The following NELL1 variants were observed in gnomAD, a reference collection of about 807,000 sequenced individuals.
The protein encoded by NELL1 is neural EGFL like 1.
NELL1 carries 76 observed loss-of-function variants against 107.4 expected under a neutral mutation model. The ratio of observed to expected loss-of-function variants is 0.71; its 90% CI spans 0.59 to 0.86. The LOEUF (loss-of-function observed/expected upper bound fraction) is 0.86. Ranked by LOEUF, NELL1 falls within the 40% of genes least tolerant of loss-of-function variation. The pLI, the probability that NELL1 is intolerant of heterozygous loss-of-function variation, is 0.00. For synonymous variants in NELL1, 353 were observed against 341.2 expected (o/e 1.03, Z -0.38); for missense variants, 1,024 against 1,005.5 (o/e 1.02, Z -0.25).
intron 15 of NELL1, among the ~76,000 whole-genome samples, chr11:21,471,505 A>T (rs1214242808): frequency 6.6e-6 from 1 of 152,094 alleles, no homozygotes; most frequent in East Asian, 1.9e-4. Flanking sequence ...GAGACTTTAA[A>T]TAACTGAAAA....
chr11:20,790,859 A>G (rs1857060488), intron 3 of NELL1, among the ~76,000 whole-genome samples: 1 of 152,294 alleles, frequency 6.6e-6, no homozygotes, highest in Middle Eastern at 3.4e-3. Context: ...AGGCCTGGCC[A>G]CGCCTCCCTG....
chr11:21,126,672 AC>A (rs1229630348), intron 13 of NELL1, among the ~76,000 whole-genome samples: 1 of 152,104 alleles, frequency 6.6e-6, no homozygotes, highest in East Asian at 1.9e-4. Flanking sequence ...TTTCTCCCTC[AC>A]CTTACTAAGT....
At chr11:20,886,470 A>G (rs1426820518) in intron 5 of NELL1, among the ~76,000 whole-genome samples, 1 of 152,102 alleles carries the variant, frequency 6.6e-6, no homozygotes, top group Admixed American at 6.6e-5. Flanking sequence ...CCACAAAAAT[A>G]TTTTAAAATT....
chr11:21,227,406 G>T (rs1484706723), intron 13 of NELL1, among the ~76,000 whole-genome samples: 4 of 152,090 alleles, frequency 2.6e-5, no homozygotes, highest in African/African-American at 9.7e-5. Context: ...TATCTTCTGT[G>T]TTCCGGTTAG....
At chr11:20,975,958 A>ATGTACATATATGTACAT (rs1554953036) in intron 12 of NELL1, among the ~76,000 whole-genome samples, 35 of 102,658 alleles carry the variant, frequency 3.4e-4, no homozygotes, top group Non-Finnish European at 6.1e-4. Flanking sequence ...TATGTACATT[A>ATGTACATATATGTACAT]TATATACATT....
chr11:20,915,984 T>C (rs1399998715), intron 5 of NELL1, among the ~76,000 whole-genome samples: 1 of 151,702 alleles, frequency 6.6e-6, no homozygotes, highest in African/African-American at 2.4e-5. Context: ...CTTTAGATTA[T>C]AAGTGGTATC....
chr11:20,943,533 A>G (rs1850900967), intron 10 of NELL1, among the ~76,000 whole-genome samples: 1 of 152,094 alleles, frequency 6.6e-6, no homozygotes, highest in Non-Finnish European at 1.5e-5. Context: ...CAGTGAGCTG[A>G]GATTGCGCCA....
chr11:20,792,319 A>G (rs1857091008), intron 3 of NELL1, among the ~76,000 whole-genome samples: 1 of 151,796 alleles, frequency 6.6e-6, no homozygotes, highest in Non-Finnish European at 1.5e-5. Context: ...TTCTTGTTTT[A>G]TGATATGGTC....
At chr11:21,111,039 CA>C (rs1304905327) in intron 12 of NELL1, among the ~76,000 whole-genome samples, 2 of 152,108 alleles carry the variant, frequency 1.3e-5, no homozygotes, top group African/African-American at 4.8e-5. Context: ...TAAGTCTTCT[CA>C]AACATTCTTT....
chr11:21,130,203 A>G (rs1855583423), intron 13 of NELL1, among the ~76,000 whole-genome samples: 1 of 152,132 alleles, frequency 6.6e-6, no homozygotes, highest in African/African-American at 2.4e-5. Context: ...GTAAACTCCA[A>G]TCAGCCCTTC....
intron 13 of NELL1, among the ~76,000 whole-genome samples, chr11:21,131,976 A>T (rs1855629127): frequency 6.6e-6 from 1 of 152,176 alleles, no homozygotes; most frequent in Non-Finnish European, 1.5e-5. Context: ...CAGGTACAGG[A>T]TGGACAGCTG....
chr11:21,567,596 T>C (rs10833572), intron 17 of NELL1, among the ~76,000 whole-genome samples: 64,129 of 151,712 alleles, frequency 0.42, 14,540 homozygotes, highest in Non-Finnish European at 0.51. Context: ...TTGTTATATA[T>C]GTAGCTGGCA....
intron 3 of NELL1, among the ~76,000 whole-genome samples, chr11:20,808,433 A>G (rs887386660): frequency 1.2e-4 from 18 of 152,182 alleles, no homozygotes; most frequent in African/African-American, 4.1e-4. Flanking sequence ...CCTGAAGCAG[A>G]AGGAAGCAGT....
At chr11:21,215,955 G>A (rs1167765698) in intron 13 of NELL1, among the ~76,000 whole-genome samples, 2 of 152,098 alleles carry the variant, frequency 1.3e-5, no homozygotes, top group Non-Finnish European at 2.9e-5. Flanking sequence ...ATGTCTCCAG[G>A]GCATGTCAGA....
At chr11:20,767,116 T>A (rs1345181995) in intron 2 of NELL1, among the ~76,000 whole-genome samples, 1 of 147,618 alleles carries the variant, frequency 6.8e-6, no homozygotes, top group Non-Finnish European at 1.5e-5. Context: ...GGTGTGTCTG[T>A]TGTTGGTTCC....
chr11:20,787,604 A>G (rs144343732), intron 3 of NELL1, among the ~76,000 whole-genome samples: 2,675 of 152,326 alleles, frequency 0.018, 27 homozygotes, highest in South Asian at 0.033. Context: ...TGGCTTAAAA[A>G]TCAGACACCC....
chr11:21,126,476 G>A (rs1855488979), intron 13 of NELL1, among the ~76,000 whole-genome samples: 1 of 152,192 alleles, frequency 6.6e-6, no homozygotes, highest in Admixed American at 6.5e-5. Context: ...TTAACCCGCA[G>A]CTCTGCCTCT....
chr11:21,011,715 A>G (rs1852451027), intron 12 of NELL1, among the ~76,000 whole-genome samples: 1 of 152,096 alleles, frequency 6.6e-6, no homozygotes. Context: ...GCACATGCAG[A>G]GTATTTCTTT....
At chr11:21,097,405 C>T (rs1854671918) in intron 12 of NELL1, among the ~76,000 whole-genome samples, 1 of 152,190 alleles carries the variant, frequency 6.6e-6, no homozygotes, top group Non-Finnish European at 1.5e-5. Flanking sequence ...GAACAAAGGA[C>T]ACCAGGGGGT....
Sources: gnomAD v4.1 joint callset for allele counts (sites outside exome capture counted in the v4.1 genomes callset) on GRCh38, gnomAD v4.1.1 for gene constraint, MANE v1.5 for transcripts, NCBI Gene and HGNC (gene_info 2026-07-23, HGNC 2026-07-21) for gene names.